Variants in SYTL2 observed in about 807,000 individuals in gnomAD.
SYTL2 encodes the protein synaptotagmin like 2.
SYTL2 carries 165 observed loss-of-function variants against 198.7 expected under a neutral mutation model. The observed-to-expected ratio is 0.83, with a 90% confidence interval of 0.73 to 0.94. The LOEUF (loss-of-function observed/expected upper bound fraction) is 0.94, where lower values mean the gene tolerates loss of function less well. Among genes scored for constraint, SYTL2 ranks in the 40% least tolerant of loss-of-function variants. The pLI is 0.00. For missense variants in SYTL2, 2,835 were observed against 2,582.8 expected, an observed-to-expected ratio of 1.10 and a Z score of -2.12; for synonymous variants, 966 against 917.7, an observed-to-expected ratio of 1.05 and a Z score of -0.95.
At position 85,726,153 on chromosome 11, in the gene SYTL2, A is replaced by G. The variant is rs144826107; in HGVS notation, c.3205T>C (p.Phe1069Leu). 97 of 1,613,970 alleles carry G rather than the reference A, an allele frequency of 6.0e-5. No individual in the cohort carries two copies. The highest frequency in any genetic ancestry group is 8.3e-5 in the Admixed American group (5 of 59,988). ...ILQVLPDEIT[F>L]PLSPLRKYTY... ...TACTTTCTAAGTGGACTCAAAGGAA[A>G]TGTGATTTCATCTGGTAGCACCTGG... The change falls in exon 8 of 20, where the codon TTT becomes CTT. Residue 1069 changes from phenylalanine (F) to leucine (L), a missense_variant. Physicochemically the swap from Phe to Leu is conservative, Grantham distance 22. This residue lies in a region of SYTL2 where 2,645 missense variants were observed against 2,381.7 expected (regional missense o/e 1.11). Transcript: ENST00000359152.
At position 85,725,318 on chromosome 11, in the gene SYTL2, G is replaced by A; in HGVS notation, c.4040C>T (p.Pro1347Leu). 2.5e-6 allele frequency: 4 copies of A among 1,614,028 alleles called. No individual in the cohort carries two copies. The highest frequency in any genetic ancestry group is 3.4e-6 in the Non-Finnish European group (4 of 1,179,946). ...AGTCTCCGAAATTTCCGTTTGAGAA[G>A]GGTGTACCCTAGCCTGGGGAACAAG... is the stretch of plus-strand genomic sequence containing the variant. ...AHLVPQARVHPSQTEISETVE... is the reference protein window; with the variant it reads ...AHLVPQARVHLSQTEISETVE... The change falls in exon 8 of 20, where the codon CCT (proline) becomes CTT (leucine). Residue 1347 changes from proline to leucine, a missense_variant. This residue lies in a region of SYTL2 where 2,645 missense variants were observed against 2,381.7 expected (regional missense o/e 1.11). Coordinates refer to ENST00000359152, the MANE Select transcript of SYTL2 (RefSeq NM_206927.4).
In SYTL2 at chr11:85,726,246, C is replaced by T. The variant is rs774771017; in HGVS notation, c.3112G>A (p.Val1038Met). 5 of 1,613,618 alleles carry T rather than the reference C, an allele frequency of 3.1e-6. No individual in the cohort carries two copies. The highest frequency in any genetic ancestry group is 1.3e-5 in the African/African-American group (1 of 74,860). ...LSGKNTHEAE[V>M]LLSPKKVMAR... The stretch of plus-strand genomic sequence containing the variant: ...ATAACTTTTTTTGGGCTTAGAAGCA[C>T]CTCTGCTTCATGGGTATTTTTACCT... Residue 1038 changes from valine to methionine, a missense_variant, in exon 8 of 20, where the codon GTG (valine) becomes ATG (methionine). Transcript: ENST00000359152.
At chr11:85,759,040 T>G (rs1467669913) in intron 1 of SYTL2, among the ~76,000 whole-genome samples, 1 of 151,546 alleles carries the variant, frequency 6.6e-6, no homozygotes, top group Non-Finnish European at 1.5e-5. Flanking sequence ...AGGTCAGGAG[T>G]TCGAGACCAG....
At chr11:85,755,310 A>C (rs2091796989) in intron 2 of SYTL2, among the ~76,000 whole-genome samples, 1 of 152,146 alleles carries the variant, frequency 6.6e-6, no homozygotes. Context: ...CCCTAGCTCC[A>C]GGGTCCTGAA....
intron 1 of SYTL2, among the ~76,000 whole-genome samples, chr11:85,792,448 G>A (rs1269241596): frequency 6.6e-6 from 1 of 151,912 alleles, no homozygotes; most frequent in Non-Finnish European, 1.5e-5. Flanking sequence ...TCTCTGAATG[G>A]GGGACCTATG....
intron 9 of SYTL2, 64 bp downstream of exon 9, chr11:85,720,794 G>A: frequency 2.7e-6 from 3 of 1,128,194 alleles, no homozygotes; most frequent in Non-Finnish European, 1.4e-6. Flanking sequence ...GAGGCTACAG[G>A]AGAGCACATA....
rs2089024494 is a variant in SYTL2 at position 85,725,542 on chromosome 11, C to T, written c.3816G>A (p.Val1272=). 1.9e-6 allele frequency: 3 copies of T among 1,614,056 alleles called. No individual in the cohort carries two copies. Among genetic ancestry groups the T allele is most frequent in the Non-Finnish European group, 1.7e-6 (2 of 1,179,970 alleles). ...CTGTATTTCCAAAAGTTTCATCTCT[C>T]ACTGGAAAAGGAGCTAGTATTTCTC... ...DKREILAPFP[V]RDETFGNTAL... The change falls in exon 8 of 20, where the codon GTG becomes GTA. Residue 1272 remains valine, a synonymous_variant. Transcript: ENST00000359152.
Position 85,757,787 on chromosome 11 carries a change from A to C in SYTL2, c.-62T>G. 1 of 1,594,910 alleles carries C rather than the reference A, an allele frequency of 6.3e-7. No homozygotes were observed. The highest frequency in any genetic ancestry group is 1.1e-5 in the South Asian group (1 of 90,818). ...TGGCTCAAAATTCTCAGGGCTGAAC[A>C]ACTAAGACTGCAACCAGGAAGATTA... On this transcript the variant is annotated 5_prime_UTR_variant, in exon 2 of 20. Coordinates refer to ENST00000359152, the MANE Select transcript of SYTL2 (RefSeq NM_206927.4).
intron 1 of SYTL2, among the ~76,000 whole-genome samples, chr11:85,768,366 G>A (rs1355513304): frequency 6.6e-6 from 1 of 152,222 alleles, no homozygotes; most frequent in Non-Finnish European, 1.5e-5. Flanking sequence ...ATAATTGAAA[G>A]TGGATTAATC....
intron 1 of SYTL2, among the ~76,000 whole-genome samples, chr11:85,795,953 G>T (rs372046074): frequency 1.0e-3 from 152 of 152,250 alleles, no homozygotes; most frequent in African/African-American, 3.4e-3. Flanking sequence ...ATCACCAGGG[G>T]AATCTCCTGC....
chr11:85,846,432 C>T, the SYTL2 span, among the ~76,000 whole-genome samples: 2 of 151,924 alleles, frequency 1.3e-5, no homozygotes, highest in African/African-American at 2.4e-5. Context: ...TGTTTCATTT[C>T]GTTTTGTTTT....
chr11:85,760,846 T>C (rs904500945), intron 1 of SYTL2, among the ~76,000 whole-genome samples: 1 of 152,196 alleles, frequency 6.6e-6, no homozygotes, highest in African/African-American at 2.4e-5. Context: ...GGGCAATGTT[T>C]CCACTTTACA....
chr11:85,755,433 T>C (rs2091804729), intron 2 of SYTL2, among the ~76,000 whole-genome samples: 1 of 152,158 alleles, frequency 6.6e-6, no homozygotes. Context: ...AATCCAAGCC[T>C]TCTTCCTGCC....
chr11:85,715,464 T>C (rs1446380193), intron 11 of SYTL2, among the ~76,000 whole-genome samples: 3 of 152,104 alleles, frequency 2.0e-5, no homozygotes, highest in Admixed American at 1.3e-4. Flanking sequence ...AACAGATACA[T>C]TGACTTTATC....
chr11:85,744,493 T>C (rs975014671), intron 4 of SYTL2, among the ~76,000 whole-genome samples: 1 of 152,118 alleles, frequency 6.6e-6, no homozygotes, highest in Non-Finnish European at 1.5e-5. Context: ...AACAGAATGA[T>C]CCCCTTTCCA....
chr11:85,817,034 T>C, the SYTL2 span, among the ~76,000 whole-genome samples: 4 of 152,074 alleles, frequency 2.6e-5, no homozygotes, highest in African/African-American at 9.7e-5. Flanking sequence ...TTGAAATTCA[T>C]CTTACCTAAG....
At position 85,726,878 on chromosome 11, in the gene SYTL2, T is replaced by C. The variant is rs1463401065; in HGVS notation, c.2480A>G (p.Tyr827Cys). The C allele has an allele frequency of 2.0e-6, 3 of 1,536,568 alleles. No individual in the cohort carries two copies. The Admixed American group carries it at 5.9e-5, about 30-fold the overall frequency. ...ACCCTGTGACTTCTTCACAGGCTGA[T>C]ATGCTTTAGCAGAAGGTTGTTCCTG... is the stretch of plus-strand genomic sequence containing the variant. ...CSQEQPSAKAYQPVKKSQGVS... is the reference protein window; with the variant it reads ...CSQEQPSAKACQPVKKSQGVS... Residue 827 changes from tyrosine to cysteine, a missense_variant, in exon 8 of 20, where the codon TAT (tyrosine) becomes TGT (cysteine). Around this residue, in one of 3 missense-constraint regions of SYTL2, gnomAD observed 2,645 missense variants for 2,381.7 expected, o/e 1.11. Transcript: ENST00000359152.
Position 85,734,141 on chromosome 11 carries a change from T to G in SYTL2, c.1188A>C (p.Ser396=). 6.2e-7 allele frequency: 1 copy of G among 1,614,218 alleles called. No homozygotes were observed. The highest frequency in any genetic ancestry group is 1.3e-5 in the African/African-American group (1 of 75,060). The change falls in exon 7 of 20, where the codon TCA becomes TCC. Residue 396 remains serine (S), a synonymous_variant. Transcript: ENST00000359152. ...TTTTTGATACATATGGGCTTGAGGTTGATTGATGAAAAAGCGAAGGCTTTC... is the reference window on the plus strand; with the variant it reads ...TTTTTGATACATATGGGCTTGAGGTGGATTGATGAAAAAGCGAAGGCTTTC... ...QYRKPSLFHQ[S]TSSPYVSKSE... is the part of the protein sequence containing the mutation.
rs747610110 is a variant in SYTL2, at chr11:85,726,845, G to C, written c.2513C>G (p.Ser838Cys). ...CTGGTCTGTAGATAAACTGTCCATG[G>C]ATGATACACCCTGTGACTTCTTCAC... ...QPVKKSQGVS[S>C]MDSLSTDQSE... Residue 838 changes from serine (S) to cysteine (C), a missense_variant, in exon 8 of 20, where the codon TCC becomes TGC. Coordinates refer to ENST00000359152, the MANE Select transcript of SYTL2 (RefSeq NM_206927.4). 1 of 1,536,542 alleles carries C rather than the reference G, an allele frequency of 6.5e-7. No individual in the cohort carries two copies. The highest frequency in any genetic ancestry group is 2.4e-5 in the East Asian group (1 of 40,924).
Sources: allele counts gnomAD v4.1 joint callset (sites outside exome capture counted in the v4.1 genomes callset), GRCh38; gene constraint gnomAD v4.1.1; regional missense constraint gnomAD v4.1.1; transcripts MANE v1.5; gene names NCBI Gene and HGNC (gene_info 2026-07-23, HGNC 2026-07-21).